Variants in OR3A2 observed in about 807,000 individuals in gnomAD.
The protein encoded by OR3A2 is olfactory receptor 3A2.
For synonymous variants in OR3A2, 126 were observed against 159.3 expected, an observed-to-expected ratio of 0.79 and a Z score of 1.57; for missense variants, 318 against 392.8, an observed-to-expected ratio of 0.81 and a Z score of 1.61.
chr17:3,378,085 G>GC (rs2049699489), intron 2 of OR3A2, among the ~76,000 whole-genome samples: 1 of 152,172 alleles, frequency 6.6e-6, no homozygotes, highest in African/African-American at 2.4e-5. Flanking sequence ...CGGCAGCCTG[G>GC]CCCCCAGGCT....
intron 2 of OR3A2, among the ~76,000 whole-genome samples, chr17:3,348,950 G>T (rs1056531993): frequency 6.6e-6 from 1 of 152,010 alleles, no homozygotes; most frequent in South Asian, 2.1e-4. Flanking sequence ...AAGTGAAGGA[G>T]AAATAAAATA....
chr17:3,324,761 C>T (rs747438339), intron 3 of OR3A2, among the ~76,000 whole-genome samples: 12 of 151,968 alleles, frequency 7.9e-5, no homozygotes, highest in African/African-American at 1.9e-4. Context: ...GGTGTCAGTC[C>T]GCCCCTACTC....
intron 2 of OR3A2, among the ~76,000 whole-genome samples, chr17:3,350,743 T>C (rs1310227159): frequency 6.6e-6 from 1 of 151,248 alleles, no homozygotes. Flanking sequence ...GAGAGAATTT[T>C]AGACCAATAT....
chr17:3,289,524 C>G (rs1415142888), intron 3 of OR3A2, among the ~76,000 whole-genome samples: 1 of 152,200 alleles, frequency 6.6e-6, no homozygotes, highest in Non-Finnish European at 1.5e-5. Flanking sequence ...GGCACCAGAT[C>G]TTTGGAGATA....
At chr17:3,278,919 A>G in exon 2 of OR3A2, 2 of 1,527,404 alleles carry the variant, frequency 1.3e-6, no homozygotes, top group Non-Finnish European at 1.8e-6. Flanking sequence ...TGGCTCCATG[A>G]GTTTCTGTAA....
chr17:3,322,486 C>T (rs572513666), intron 3 of OR3A2, among the ~76,000 whole-genome samples: 1 of 152,240 alleles, frequency 6.6e-6, no homozygotes, highest in African/African-American at 2.4e-5. Flanking sequence ...TTAGATCTTT[C>T]CTGCTTTCTC....
At chr17:3,301,261 C>T (rs533367572) in intron 3 of OR3A2, among the ~76,000 whole-genome samples, 10 of 152,278 alleles carry the variant, frequency 6.6e-5, no homozygotes, top group African/African-American at 1.4e-4. Flanking sequence ...CGTGAGGAAT[C>T]GCCACACTGT....
chr17:3,339,828 A>T (rs2049302243), intron 2 of OR3A2, among the ~76,000 whole-genome samples: 3 of 152,200 alleles, frequency 2.0e-5, no homozygotes, highest in Non-Finnish European at 1.5e-5. Context: ...TATTGATTGG[A>T]ATAGTTTCAG....
intron 2 of OR3A2, among the ~76,000 whole-genome samples, chr17:3,346,022 AG>A (rs2049361544): frequency 6.6e-6 from 1 of 152,146 alleles, no homozygotes; most frequent in South Asian, 2.1e-4. Context: ...ACAGCAGGCT[AG>A]GTGTTTTGTA....
At chr17:3,300,267 T>C (rs2855667) in intron 3 of OR3A2, among the ~76,000 whole-genome samples, 71,226 of 151,912 alleles carry the variant, frequency 0.47, 18,148 homozygotes, top group East Asian at 0.96. Flanking sequence ...TAAATTAAAA[T>C]CACAATGGAG....
At position 3,352,631 on chromosome 17, in the gene OR3A2, T is replaced by C. The variant is rs113921306; in HGVS notation, c.-178-16505A>G. Among the ~76,000 whole-genome samples, 434 of 152,202 alleles carry C rather than the reference T, an allele frequency of 2.9e-3. 2 individuals carry two copies. Among genetic ancestry groups the C allele is most frequent in the African/African-American group, 8.6e-3 (359 of 41,562 alleles). On this transcript the variant is annotated intron_variant, in intron 2 of 4. Coordinates refer to the OR3A2 transcript ENST00000573491. Reference sequence around the variant, plus strand: ...TATGTCTGTTTCTATGCCAGTACCATGCTGTTTTGGTTACTATAGCTCTGT... The same window carrying C: ...TATGTCTGTTTCTATGCCAGTACCACGCTGTTTTGGTTACTATAGCTCTGT...
chr17:3,302,909 C>A (rs1391963345), intron 3 of OR3A2, among the ~76,000 whole-genome samples: 1 of 152,234 alleles, frequency 6.6e-6, no homozygotes, highest in East Asian at 1.9e-4. Context: ...AACTTTCTAT[C>A]TCACTAGGCT....
At position 3,311,254 on chromosome 17, in the gene OR3A2, G is replaced by A. The variant is rs371838570; in HGVS notation, c.-85+24779C>T. On this transcript the variant is annotated intron_variant, in intron 3 of 4. Coordinates refer to the OR3A2 transcript ENST00000573491. This position sits in a 1 kb window ranked among gnomAD's most constrained non-coding sequence, Gnocchi z 4.6. ...TCCTCCGATGCTGGCGTGTCTCCAGGCCCACCAGTGCAGAGTTCCCTATGC... is the reference window on the plus strand; with the variant it reads ...TCCTCCGATGCTGGCGTGTCTCCAGACCCACCAGTGCAGAGTTCCCTATGC... 1.5e-5 allele frequency: 8 copies of A among 535,344 alleles called. No homozygotes were observed. The African/African-American group carries it at 1.5e-4, about 10-fold the overall frequency. The allele number at this position is 535,344 out of a possible 1,614,324, so 33.2% of individuals were successfully genotyped here. A position where few individuals can be genotyped will look rare whatever the true frequency, so the allele number is the denominator to read the frequency against.
At chr17:3,283,955 G>A (rs1046914559) in intron 1 of OR3A2, among the ~76,000 whole-genome samples, 1 of 142,608 alleles carries the variant, frequency 7.0e-6, no homozygotes, top group African/African-American at 2.8e-5. Flanking sequence ...GAGGCCCACT[G>A]GGGAGCCCTC....
intron 2 of OR3A2, among the ~76,000 whole-genome samples, chr17:3,355,118 CT>C (rs1484528556): frequency 6.6e-6 from 1 of 151,206 alleles, no homozygotes; most frequent in Non-Finnish European, 1.5e-5. Context: ...CAAAATTCTT[CT>C]TATTATTGAT....
At chr17:3,285,530 T>C (rs2048802806), upstream of OR3A2, among the ~76,000 whole-genome samples, 1 of 152,192 alleles carries the variant, frequency 6.6e-6, no homozygotes, top group South Asian at 2.1e-4. Flanking sequence ...GACTCAAACT[T>C]GTAATCTTAG....
At chr17:3,330,877 T>G (rs2049226235) in intron 3 of OR3A2, among the ~76,000 whole-genome samples, 1 of 152,114 alleles carries the variant, frequency 6.6e-6, no homozygotes, top group African/African-American at 2.4e-5. Flanking sequence ...TGTTTAGCAC[T>G]TCCTTCAGGA....
intron 3 of OR3A2, among the ~76,000 whole-genome samples, chr17:3,309,445 A>AT (rs2049023045): frequency 6.6e-6 from 1 of 152,118 alleles, no homozygotes; most frequent in South Asian, 2.1e-4. Flanking sequence ...CTAAGACTCT[A>AT]TTTGTGTGAG....
intron 2 of OR3A2, among the ~76,000 whole-genome samples, chr17:3,360,295 T>C (rs966526645): frequency 6.6e-6 from 1 of 151,614 alleles, no homozygotes; most frequent in Admixed American, 6.6e-5. Context: ...TTGTTTGAGT[T>C]CTTTGTGGAT....
Sources: allele counts gnomAD v4.1 joint callset (sites outside exome capture counted in the v4.1 genomes callset), GRCh38; gene constraint gnomAD v4.1.1; non-coding constraint Gnocchi (gnomAD v3.1); transcripts MANE v1.5; gene names NCBI Gene and HGNC (gene_info 2026-07-23, HGNC 2026-07-21).